The following MBNL2 variants were observed in gnomAD, a reference collection of about 807,000 sequenced individuals.
MBNL2 encodes the protein muscleblind like splicing regulator 2.
In MBNL2, 17 loss-of-function variants were observed where a neutral mutation model predicts 41.9. The observed-to-expected ratio is 0.41, with a 90% confidence interval of 0.28 to 0.61. The LOEUF (loss-of-function observed/expected upper bound fraction) is 0.61, where lower values mean the gene tolerates loss of function less well. Ranked by LOEUF, MBNL2 falls within the 20% of genes least tolerant of loss-of-function variation. The probability of loss-of-function intolerance (pLI) is 0.35; values close to 1 mark genes in which losing one functional copy is unlikely to be tolerated. For missense variants in MBNL2, 336 were observed against 505.6 expected (o/e 0.66, Z 3.22); for synonymous variants, 195 against 182.9 (o/e 1.07, Z -0.53).
At chr13:97,187,593 T>TAAAAAAAAAAAAA in the MBNL2 span, among the ~76,000 whole-genome samples, 2 of 51,492 alleles carry the variant, frequency 3.9e-5, no homozygotes, top group African/African-American at 7.4e-5. Flanking sequence ...CTATGCAGCT[T>TAAAAAAAAAAAAA]AAAAAAAAAA....
chr13:97,261,366 C>T (rs1213865996), intron 1 of MBNL2, among the ~76,000 whole-genome samples: 1 of 152,120 alleles, frequency 6.6e-6, no homozygotes, highest in Non-Finnish European at 1.5e-5. Context: ...GATAAAATTT[C>T]CACCCAGGAG....
chr13:97,294,696 C>T (rs960946491), intron 2 of MBNL2, among the ~76,000 whole-genome samples: 5 of 152,296 alleles, frequency 3.3e-5, no homozygotes, highest in African/African-American at 1.2e-4. Flanking sequence ...ATAGTTATAT[C>T]ACCTACTCTG....
chr13:97,282,357 G>A (rs1326015061), intron 2 of MBNL2, among the ~76,000 whole-genome samples: 3 of 151,908 alleles, frequency 2.0e-5, no homozygotes, highest in Admixed American at 6.6e-5. Flanking sequence ...TTCATCTCAA[G>A]AAAAAAATAA....
the MBNL2 span, among the ~76,000 whole-genome samples, chr13:97,161,244 C>T: frequency 3.9e-5 from 6 of 152,318 alleles, 1 homozygote; most frequent in Admixed American, 2.6e-4. Flanking sequence ...GGAGTGCATA[C>T]TCTGGTGGCT....
At chr13:97,376,927 A>G (rs2065015020) in intron 8 of MBNL2, among the ~76,000 whole-genome samples, 1 of 152,240 alleles carries the variant, frequency 6.6e-6, no homozygotes, top group Non-Finnish European at 1.5e-5. Flanking sequence ...AGCCAGGCCC[A>G]GGACCTGATC....
At chr13:97,211,259 G>GACTGC in the MBNL2 span, among the ~76,000 whole-genome samples, 1 of 152,090 alleles carries the variant, frequency 6.6e-6, no homozygotes, top group Non-Finnish European at 1.5e-5. Context: ...CTCAGGATTG[G>GACTGC]ACTGCTTTGC....
chr13:97,359,286 T>C (rs181048241), intron 7 of MBNL2, among the ~76,000 whole-genome samples: 1 of 150,166 alleles, frequency 6.7e-6, no homozygotes, highest in Non-Finnish European at 1.5e-5. Context: ...AAAAAAAAAA[T>C]TAAGGAAGAA....
intron 1 of MBNL2, among the ~76,000 whole-genome samples, chr13:97,271,868 G>T (rs1421095791): frequency 1.3e-5 from 2 of 152,120 alleles, no homozygotes; most frequent in Non-Finnish European, 2.9e-5. Context: ...ATTGTAAATA[G>T]TGCTGCAATA....
At chr13:97,245,431 G>A (rs1256181929) in intron 1 of MBNL2, among the ~76,000 whole-genome samples, 1 of 152,062 alleles carries the variant, frequency 6.6e-6, no homozygotes, top group Non-Finnish European at 1.5e-5. Context: ...TACAAAGCTA[G>A]GATTCTCACA....
intron 2 of MBNL2, among the ~76,000 whole-genome samples, chr13:97,322,152 C>T (rs1180204538): frequency 2.0e-5 from 3 of 152,154 alleles, no homozygotes; most frequent in African/African-American, 7.2e-5. Flanking sequence ...ACACCGCTTC[C>T]ACCCTCAGGA....
rs1283117228 is a variant in MBNL2, at chr13:97,346,054, T to C, written c.541-750T>C. ...TAGATGATTAATTAATTGATAGATTTTAGATAGATCAGTAGATGATAGATG... is the reference window on the plus strand; with the variant it reads ...TAGATGATTAATTAATTGATAGATTCTAGATAGATCAGTAGATGATAGATG... On this transcript the variant is annotated intron_variant, in intron 4 of 8. Coordinates refer to ENST00000679496, the MANE Select transcript of MBNL2 (RefSeq NM_001382683.1). The surrounding 1 kb of genome is among the most constrained non-coding windows in gnomAD (Gnocchi z 4.2). Among the ~76,000 whole-genome samples, 1 of 152,076 alleles carries C rather than the reference T, an allele frequency of 6.6e-6. No homozygotes were observed. The highest frequency in any genetic ancestry group is 2.4e-5 in the African/African-American group (1 of 41,384).
the MBNL2 span, among the ~76,000 whole-genome samples, chr13:97,172,187 C>T: frequency 2.0e-5 from 3 of 152,060 alleles, no homozygotes; most frequent in Non-Finnish European, 2.9e-5. Context: ...CCAGGGTGAC[C>T]CCAGCCACAG....
At chr13:97,233,295 A>G (rs1449238843) in intron 1 of MBNL2, among the ~76,000 whole-genome samples, 1 of 139,290 alleles carries the variant, frequency 7.2e-6, no homozygotes, top group Admixed American at 7.2e-5. Context: ...CATTAGGTAT[A>G]TCTCCTAATG....
intron 1 of MBNL2, among the ~76,000 whole-genome samples, chr13:97,260,848 C>A (rs1326650463): frequency 6.6e-6 from 1 of 152,106 alleles, no homozygotes; most frequent in Non-Finnish European, 1.5e-5. Flanking sequence ...GATATGCTAA[C>A]CTCCTTATTT....
chr13:97,260,823 C>T (rs1009541261), intron 1 of MBNL2, among the ~76,000 whole-genome samples: 4 of 152,144 alleles, frequency 2.6e-5, no homozygotes, highest in African/African-American at 9.7e-5. Flanking sequence ...CTCCTCTCCA[C>T]CTTCCCCATC....
chr13:97,286,555 T>TG (rs1197396719), intron 2 of MBNL2, among the ~76,000 whole-genome samples: 1 of 152,224 alleles, frequency 6.6e-6, no homozygotes, highest in Non-Finnish European at 1.5e-5. Flanking sequence ...GTCAGTCTCT[T>TG]GCTCAAAATC....
chr13:97,253,083 C>T (rs1466418768), intron 1 of MBNL2, among the ~76,000 whole-genome samples: 1 of 152,144 alleles, frequency 6.6e-6, no homozygotes, highest in Non-Finnish European at 1.5e-5. Context: ...CTGAGACACT[C>T]AAGCATCTCA....
chr13:97,384,013 C>T (rs2065720865), intron 8 of MBNL2, among the ~76,000 whole-genome samples: 1 of 151,758 alleles, frequency 6.6e-6, no homozygotes, highest in Non-Finnish European at 1.5e-5. Flanking sequence ...GATTCTCCTG[C>T]CTCAACCTCC....
chr13:97,297,313 A>G (rs2057145543), intron 2 of MBNL2, among the ~76,000 whole-genome samples: 1 of 152,288 alleles, frequency 6.6e-6, no homozygotes, highest in East Asian at 1.9e-4. Flanking sequence ...AGGCATCAAG[A>G]TGAGTATCAG....
Sources: gnomAD v4.1 joint callset for allele counts (sites outside exome capture counted in the v4.1 genomes callset) on GRCh38, gnomAD v4.1.1 for gene constraint, Gnocchi (gnomAD v3.1) non-coding constraint, MANE v1.5 for transcripts, NCBI Gene and HGNC (gene_info 2026-07-23, HGNC 2026-07-21) for gene names.